WRN: variants seen among roughly 807,000 people sequenced by gnomAD.
The protein encoded by WRN is bifunctional 3'-5' exonuclease/ATP-dependent helicase WRN.
WRN carries 149 observed loss-of-function variants against 180.7 expected under a neutral mutation model. The ratio of observed to expected loss-of-function variants is 0.82; its 90% CI spans 0.72 to 0.94. The LOEUF (loss-of-function observed/expected upper bound fraction) is 0.94, where lower values mean the gene tolerates loss of function less well. WRN is among the 40% of genes least tolerant of loss of function. The probability of loss-of-function intolerance (pLI) is 0.00; values close to 1 mark genes in which losing one functional copy is unlikely to be tolerated. For missense variants in WRN, 1,661 were observed against 1,700.1 expected (o/e 0.98, Z 0.40); for synonymous variants, 548 against 568.9 (o/e 0.96, Z 0.52).
chr8:31,100,214 C>T (rs1178136785), intron 17 of WRN, among the ~76,000 whole-genome samples: 5 of 152,158 alleles, frequency 3.3e-5, no homozygotes, highest in Non-Finnish European at 7.3e-5. Context: ...CTATTGATTC[C>T]GTTTCAATGT....
intron 33 of WRN, among the ~76,000 whole-genome samples, chr8:31,161,990 A>T (rs993451377): frequency 6.6e-6 from 1 of 152,166 alleles, no homozygotes; most frequent in Admixed American, 6.5e-5. Flanking sequence ...TGTAGACTTT[A>T]TAAACCCTGT....
chr8:31,068,244 C>T lies in WRN; in HGVS notation c.655-14C>T. ...TCTTTAGCATACTTTTTAAATTTTT[C>T]TGTTTTTTTATAGGCTGGTTTTATT... On this transcript the variant is annotated splice_polypyrimidine_tract_variant and intron_variant, in intron 6 of 34. Coordinates refer to ENST00000298139, the MANE Select transcript of WRN (RefSeq NM_000553.6). The T allele has an allele frequency of 6.3e-7, 1 of 1,585,930 alleles. No individual in the cohort carries two copies. The highest frequency in any genetic ancestry group is 8.6e-7 in the Non-Finnish European group (1 of 1,158,852).
chr8:31,169,010 T>C (rs1755542389), intron 34 of WRN, among the ~76,000 whole-genome samples: 1 of 152,064 alleles, frequency 6.6e-6, no homozygotes, highest in African/African-American at 2.4e-5. Context: ...TTCTGGAAAG[T>C]TTTCTTAAAT....
chr8:31,149,686 G>T (rs1803037727), intron 30 of WRN, among the ~76,000 whole-genome samples: 1 of 151,832 alleles, frequency 6.6e-6, no homozygotes, highest in African/African-American at 2.4e-5. Context: ...TGTTGTCCAG[G>T]CTGGTGTTGA....
Position 31,174,389 on chromosome 8 carries a change from A to G in WRN, c.*1287A>G, listed in dbSNP as rs545365392. 7.2e-5 allele frequency among the ~76,000 whole-genome samples: 11 copies of G among 152,326 alleles called. No homozygotes were observed. Among genetic ancestry groups the G allele is most frequent in the African/African-American group, 2.4e-4 (10 of 41,582 alleles). The stretch of plus-strand genomic sequence containing the variant: ...ACTTGTTTGATTATTTGAGTTGCCA[A>G]TTGAATTTGCTGCTTTTTTTCATGG... On this transcript the variant is annotated 3_prime_UTR_variant, in exon 35 of 35. Transcript: ENST00000298139.
intron 8 of WRN, among the ~76,000 whole-genome samples, chr8:31,079,822 T>G (rs1322498760): frequency 2.0e-5 from 3 of 152,166 alleles, no homozygotes; most frequent in African/African-American, 4.8e-5. Flanking sequence ...CAGTTGAGAC[T>G]AGTAATTGAT....
chr8:31,072,387 T>A (rs1230820853), intron 7 of WRN, among the ~76,000 whole-genome samples: 1 of 152,216 alleles, frequency 6.6e-6, no homozygotes, highest in African/African-American at 2.4e-5. Flanking sequence ...GAGCATATGC[T>A]ATTCAAACAG....
intron 24 of WRN, among the ~76,000 whole-genome samples, chr8:31,140,665 C>T (rs1412244458): frequency 6.6e-6 from 1 of 152,178 alleles, no homozygotes; most frequent in East Asian, 1.9e-4. Context: ...TGCAAAAGCA[C>T]AGTAAAAACA....
chr8:31,065,112 A>G lies in WRN; in HGVS notation c.504+49A>G, dbSNP rs546524173. 7.6e-5 allele frequency: 119 copies of G among 1,574,990 alleles called. No individual in the cohort carries two copies. The South Asian group carries it at 1.0e-3, about 13-fold the overall frequency. Reference sequence around the variant, plus strand: ...TTCATGATGAAGATTATTTTGTGTTACACAGAATGTACTTTCTATCTGAAT... The same window carrying G: ...TTCATGATGAAGATTATTTTGTGTTGCACAGAATGTACTTTCTATCTGAAT... On this transcript the variant is annotated intron_variant, in intron 5 of 34. Transcript: ENST00000298139.
At position 31,167,104 on chromosome 8, in the gene WRN, T is replaced by TA; in HGVS notation, c.4068dup (p.His1357ThrfsTer4). ...TTATCCACATGGCAATTGAGATCCT[T>TA]AAACATGGTCCTGACAGCGGACTTC... On this transcript the variant is annotated frameshift_variant, in exon 34 of 35. Transcript: ENST00000298139. LOFTEE classifies it high-confidence loss of function. The TA allele has an allele frequency of 6.2e-7, 1 of 1,613,490 alleles. No individual in the cohort carries two copies. The highest frequency in any genetic ancestry group is 8.5e-7 in the Non-Finnish European group (1 of 1,179,570).
chr8:31,125,034 A>G, intron 23 of WRN, 34 bp downstream of exon 23: 1 of 1,582,206 alleles, frequency 6.3e-7, no homozygotes, highest in Non-Finnish European at 8.7e-7. Context: ...GACATTCTAA[A>G]AGTCTTTCTT....
intron 16 of WRN, among the ~76,000 whole-genome samples, chr8:31,094,446 A>G (rs1427008843): frequency 6.6e-6 from 1 of 151,564 alleles, no homozygotes; most frequent in Non-Finnish European, 1.5e-5. Context: ...CCTGGGCTCA[A>G]TTGATCCTCC....
intron 1 of WRN, among the ~76,000 whole-genome samples, chr8:31,036,883 C>T (rs1427133275): frequency 6.6e-6 from 1 of 152,006 alleles, no homozygotes; most frequent in Non-Finnish European, 1.5e-5. Flanking sequence ...TCTATTTTTG[C>T]TTTTGTTACC....
rs79910449 is a variant in WRN, at chr8:31,043,569, G to A, written c.-77+9596G>A. On this transcript the variant is annotated intron_variant, in intron 1 of 34. Transcript: ENST00000298139. ...TTCTTTCTTAGTGTTAAGGTAATCA[G>A]CCTCTTTTTCCTCCTCCTATGCTTG... Among the ~76,000 whole-genome samples the A allele has an allele frequency of 4.9e-3, 739 of 151,992 alleles. 4 individuals carry two copies. The highest frequency in any genetic ancestry group is 7.7e-3 in the Non-Finnish European group (527 of 68,018).
chr8:31,073,189 C>T (rs190634140), intron 7 of WRN, among the ~76,000 whole-genome samples: 3 of 152,104 alleles, frequency 2.0e-5, no homozygotes, highest in African/African-American at 7.2e-5. Context: ...ATATTTAGCC[C>T]CAGGGCATTT....
At chr8:31,088,170 A>G (rs1813611472) in intron 12 of WRN, among the ~76,000 whole-genome samples, 1 of 152,192 alleles carries the variant, frequency 6.6e-6, no homozygotes. Context: ...ATTTCTCCAA[A>G]TCATTATAGC....
chr8:31,118,744 C>T (rs954294294), intron 20 of WRN, among the ~76,000 whole-genome samples: 2 of 151,944 alleles, frequency 1.3e-5, no homozygotes, highest in East Asian at 3.8e-4. Flanking sequence ...TAACCAGATC[C>T]AAACACATTT....
intron 17 of WRN, 80 bp downstream of exon 17, chr8:31,096,930 C>A: frequency 7.6e-7 from 1 of 1,307,630 alleles, no homozygotes; most frequent in South Asian, 1.2e-5. Flanking sequence ...CACTGGATTT[C>A]ACTTCTGTTA....
chr8:31,125,829 CA>C, intron 23 of WRN, among the ~76,000 whole-genome samples: 2 of 151,086 alleles, frequency 1.3e-5, no homozygotes, highest in Middle Eastern at 3.4e-3. Flanking sequence ...TACTTAAAGT[CA>C]ACTGATTATA....
Sources: gnomAD v4.1 joint callset for allele counts (sites outside exome capture counted in the v4.1 genomes callset) on GRCh38, gnomAD v4.1.1 for gene constraint, MANE v1.5 for transcripts, NCBI Gene and HGNC (gene_info 2026-07-23, HGNC 2026-07-21) for gene names.